SNTG2: variants seen among roughly 807,000 people sequenced by gnomAD.
SNTG2 encodes the protein syntrophin gamma 2, also known as gamma-2-syntrophin.
In SNTG2, 74 loss-of-function variants were observed where a neutral mutation model predicts 70.9. The ratio of observed to expected loss-of-function variants is 1.04; its 90% confidence interval spans 0.86 to 1.27. The LOEUF is 1.27. SNTG2 is among the 50% of genes most tolerant of loss of function. The pLI, the probability that SNTG2 is intolerant of heterozygous loss-of-function variation, is 0.00. For synonymous variants in SNTG2, 278 were observed against 273.8 expected, an observed-to-expected ratio of 1.02 and a Z score of -0.15; for missense variants, 717 against 690.7, an observed-to-expected ratio of 1.04 and a Z score of -0.43.
At chr2:1,229,367 G>C (rs1676029537) in intron 9 of SNTG2, among the ~76,000 whole-genome samples, 1 of 152,306 alleles carries the variant, frequency 6.6e-6, no homozygotes, top group South Asian at 2.1e-4. Context: ...GCTAGATACA[G>C]AGTGTCCATT....
chr2:1,154,834 TAC>T (rs934894022), intron 6 of SNTG2, among the ~76,000 whole-genome samples: 5 of 151,222 alleles, frequency 3.3e-5, no homozygotes, highest in Admixed American at 2.0e-4. Context: ...ACCACACATA[TAC>T]ACACACACAA....
intron 1 of SNTG2, among the ~76,000 whole-genome samples, chr2:1,051,805 G>A (rs1662090009): frequency 6.6e-6 from 1 of 152,222 alleles, no homozygotes; most frequent in Admixed American, 6.5e-5. Context: ...ACCCCCAGCA[G>A]CTGGGCTGCA....
chr2:1,031,217 G>A (rs1477664980), intron 1 of SNTG2, among the ~76,000 whole-genome samples: 1 of 152,020 alleles, frequency 6.6e-6, no homozygotes, highest in East Asian at 1.9e-4. Context: ...TTTTGTTTTT[G>A]TTGAGTGGAC....
intron 6 of SNTG2, among the ~76,000 whole-genome samples, chr2:1,161,938 A>G (rs186862654): frequency 7.9e-5 from 12 of 152,042 alleles, no homozygotes; most frequent in East Asian, 3.9e-4. Context: ...GCCAGGCGAG[A>G]TGGCGGGCGC....
chr2:1,365,967 C>G (rs1421736004), intron 16 of SNTG2, among the ~76,000 whole-genome samples: 1 of 152,144 alleles, frequency 6.6e-6, no homozygotes, highest in East Asian at 1.9e-4. Flanking sequence ...TTCTCCACCC[C>G]CTCATTCTGC....
intron 1 of SNTG2, among the ~76,000 whole-genome samples, chr2:999,756 AC>A: frequency 6.6e-6 from 1 of 152,040 alleles, no homozygotes; most frequent in Non-Finnish European, 1.5e-5. Context: ...AAATTAGCGG[AC>A]TAAAATTTGT....
At chr2:1,279,838 G>T (rs527471029) in intron 14 of SNTG2, among the ~76,000 whole-genome samples, 54 of 152,218 alleles carry the variant, frequency 3.5e-4, no homozygotes, top group Non-Finnish European at 7.3e-4. Context: ...ACCATAGCTA[G>T]ATACATTGTA....
intron 1 of SNTG2, among the ~76,000 whole-genome samples, chr2:1,048,285 C>T (rs1661855789): frequency 6.6e-6 from 1 of 152,156 alleles, no homozygotes; most frequent in Admixed American, 6.5e-5. Context: ...TGAATTTTCA[C>T]TAAGACCTCC....
intron 4 of SNTG2, among the ~76,000 whole-genome samples, chr2:1,131,968 G>C (rs1436882884): frequency 6.6e-6 from 1 of 151,962 alleles, no homozygotes; most frequent in Non-Finnish European, 1.5e-5. Context: ...TTTTTCTTTT[G>C]AGCTCTTCAC....
At chr2:1,169,450 C>A (rs1040174084) in intron 7 of SNTG2, among the ~76,000 whole-genome samples, 1 of 152,154 alleles carries the variant, frequency 6.6e-6, no homozygotes, top group Non-Finnish European at 1.5e-5. Context: ...ACAGCAGCAG[C>A]AACACTGCAA....
intron 6 of SNTG2, among the ~76,000 whole-genome samples, chr2:1,152,320 C>A (rs901288489): frequency 1.3e-5 from 2 of 151,940 alleles, no homozygotes; most frequent in East Asian, 1.9e-4. Context: ...AGAAACAGAG[C>A]GAGTAGGAAA....
chr2:1,313,546 A>G (rs1271060451), intron 15 of SNTG2, among the ~76,000 whole-genome samples: 1 of 152,248 alleles, frequency 6.6e-6, no homozygotes, highest in Non-Finnish European at 1.5e-5. Context: ...CCACTTTTAC[A>G]TAAAGTGTGC....
At chr2:959,179 A>G (rs1283197374) in intron 1 of SNTG2, among the ~76,000 whole-genome samples, 1 of 152,162 alleles carries the variant, frequency 6.6e-6, no homozygotes, top group Non-Finnish European at 1.5e-5. Flanking sequence ...CTAGTAGCTG[A>G]AAAAAGGAAG....
At chr2:1,034,426 CATCT>C (rs1661018258) in intron 1 of SNTG2, among the ~76,000 whole-genome samples, 1 of 152,144 alleles carries the variant, frequency 6.6e-6, no homozygotes, top group Non-Finnish European at 1.5e-5. Flanking sequence ...TGCATGCATA[CATCT>C]TTCTTTATAA....
Position 1,113,608 on chromosome 2 carries a change from G to T in SNTG2, c.325+15198G>T, listed in dbSNP as rs146758274. On this transcript the variant is annotated intron_variant, in intron 4 of 16. Transcript: ENST00000308624. ...TTTAACCCTTACAGTACTTTGAGGA[G>T]GATCGTGTGTACTAAGTGAGGTTTA... Among the ~76,000 whole-genome samples the T allele has an allele frequency of 4.6e-3, 702 of 152,060 alleles. 4 individuals carry two copies. Among genetic ancestry groups the T allele is most frequent in the African/African-American group, 0.015 (637 of 41,476 alleles).
intron 1 of SNTG2, among the ~76,000 whole-genome samples, chr2:1,065,873 C>T (rs535418671): frequency 6.6e-6 from 1 of 152,312 alleles, no homozygotes; most frequent in South Asian, 2.1e-4. Context: ...GTGAGAAACT[C>T]ACCTTCGTTT....
intron 1 of SNTG2, among the ~76,000 whole-genome samples, chr2:971,085 A>G (rs1660724489): frequency 6.6e-6 from 1 of 152,214 alleles, no homozygotes; most frequent in Non-Finnish European, 1.5e-5. Flanking sequence ...TATGTTCATC[A>G]AGGAGATTGG....
chr2:994,894 G>A (rs1418339143), intron 1 of SNTG2, among the ~76,000 whole-genome samples: 1 of 149,830 alleles, frequency 6.7e-6, no homozygotes, highest in Non-Finnish European at 1.5e-5. Context: ...AAATACAATT[G>A]GCTTTTGCTT....
At chr2:1,342,008 G>A (rs1173730524) in intron 16 of SNTG2, among the ~76,000 whole-genome samples, 1 of 152,082 alleles carries the variant, frequency 6.6e-6, no homozygotes, top group African/African-American at 2.4e-5. Context: ...ACCTCACCCA[G>A]CCTGTTTTAT....
Sources: allele counts gnomAD v4.1 joint callset (sites outside exome capture counted in the v4.1 genomes callset), GRCh38; gene constraint gnomAD v4.1.1; transcripts MANE v1.5; gene names NCBI Gene and HGNC (gene_info 2026-07-23, HGNC 2026-07-21).